The following ZNF595 variants were observed in gnomAD, a reference collection of about 807,000 sequenced individuals.
ZNF595 encodes zinc finger protein 595.
Under a neutral mutation model 19.4 loss-of-function variants are expected in ZNF595, and 9 were observed. The ratio of observed to expected loss-of-function variants is 0.46; its 90% CI spans 0.28 to 0.81. ZNF595 has a LOEUF of 0.81. ZNF595 is among the 30% of genes least tolerant of loss of function. ZNF595 has a pLI of 0.11. For synonymous variants in ZNF595, 255 were observed against 255.9 expected, an observed-to-expected ratio of 1.00 and a Z score of 0.03; for missense variants, 729 against 736.0, an observed-to-expected ratio of 0.99 and a Z score of 0.11.
chr4:78,781 C>T (rs926246734), intron 3 of ZNF595, among the ~76,000 whole-genome samples: 8 of 152,110 alleles, frequency 5.3e-5, no homozygotes, highest in South Asian at 2.1e-4. Flanking sequence ...TGCAGTGGTG[C>T]GATCTCAGCT....
chr4:71,928 C>G (rs1467681636), intron 3 of ZNF595, among the ~76,000 whole-genome samples: 4 of 151,906 alleles, frequency 2.6e-5, no homozygotes, highest in Non-Finnish European at 5.9e-5. Context: ...AAAATGTACT[C>G]CAGGCACACA....
Position 75,282 on chromosome 4 carries a change from G to A in ZNF595, c.227-10449G>A, listed in dbSNP as rs1295510535. ...TATAAAGAATAAAAGTTTGCTTAGCGCACAATCCTGGATGCCAGGAAGTCC... is the reference window on the plus strand; with the variant it reads ...TATAAAGAATAAAAGTTTGCTTAGCACACAATCCTGGATGCCAGGAAGTCC... On this transcript the variant is annotated intron_variant, in intron 3 of 3. Transcript: ENST00000610261. Among the ~76,000 whole-genome samples the A allele has an allele frequency of 3.3e-5, 5 of 152,124 alleles. No homozygotes were observed. The East Asian group carries it at 7.7e-4, about 23-fold the overall frequency.
At position 86,355 on chromosome 4, in the gene ZNF595, A is replaced by G. The variant is rs782191095; in HGVS notation, c.851A>G (p.Tyr284Cys). The change falls in exon 4 of 4, where the codon TAC becomes TGC. Residue 284 changes from tyrosine to cysteine, a missense_variant. Tyr to Cys is a radical substitution (Grantham distance 194). Coordinates refer to ENST00000610261, the MANE Select transcript of ZNF595 (RefSeq NM_182524.4). ...AAAATTCATACTGGAGAGAAACCCT[A>G]CAAATGTAAAGAATGTGGCAAAGCC... is the stretch of plus-strand genomic sequence containing the variant. ...HKKIHTGEKP[Y>C]KCKECGKAFR... 3 of 1,613,838 alleles carry G rather than the reference A, an allele frequency of 1.9e-6. No homozygotes were observed. In the South Asian group the frequency reaches 3.3e-5, roughly 18 times the overall value.
At chr4:68,632 G>T (rs1235300282) in intron 3 of ZNF595, 1 of 152,292 alleles carries the variant, frequency 6.6e-6, no homozygotes, top group Non-Finnish European at 1.5e-5. Flanking sequence ...TAATTTTTGT[G>T]AGTACGTAGT....
Position 85,923 on chromosome 4 carries a change from C to T in ZNF595, c.419C>T (p.Thr140Ile), listed in dbSNP as rs1714121355. 6.2e-7 allele frequency: 1 copy of T among 1,613,590 alleles called. No homozygotes were observed. The highest frequency in any genetic ancestry group is 1.1e-5 in the South Asian group (1 of 91,056). Residue 140 changes from threonine (T) to isoleucine (I), a missense_variant, in exon 4 of 4, where the codon ACC becomes ATC. Around this residue, in one of 2 missense-constraint regions of ZNF595, gnomAD observed 729 missense variants for 675.3 expected, o/e 1.08. Coordinates refer to ENST00000610261, the MANE Select transcript of ZNF595 (RefSeq NM_182524.4). ...NNGVYQCLSTTQSKIFQCNTC... is the reference protein window; with the variant it reads ...NNGVYQCLSTIQSKIFQCNTC... ...GGAGTTTACCAGTGCTTGTCAACTA[C>T]CCAGAGCAAAATATTTCAATGTAAT...
intron 1 of ZNF595, among the ~76,000 whole-genome samples, chr4:54,827 C>G (rs1581309255): frequency 1.3e-5 from 2 of 152,362 alleles, no homozygotes; most frequent in South Asian, 4.2e-4. Context: ...AGCCCTGCCT[C>G]GGCCTGTACC....
At chr4:69,132 C>T (rs529892755) in intron 3 of ZNF595, among the ~76,000 whole-genome samples, 1 of 152,306 alleles carries the variant, frequency 6.6e-6, no homozygotes, top group Non-Finnish European at 1.5e-5. Flanking sequence ...ATTTGTACCA[C>T]AGTTGCTTTA....
intron 1 of ZNF595, among the ~76,000 whole-genome samples, chr4:57,005 CTGG>C (rs1712640794): frequency 1.0e-5 from 1 of 95,294 alleles, no homozygotes; most frequent in African/African-American, 3.7e-5. Context: ...CACATAAAAG[CTGG>C]CTTCTGCCCA....
chr4:88,066 T>G lies in ZNF595; in HGVS notation c.*615T>G, dbSNP rs1714315862. On this transcript the variant is annotated 3_prime_UTR_variant, in exon 4 of 4. Coordinates refer to ENST00000610261, the MANE Select transcript of ZNF595 (RefSeq NM_182524.4). ...GCAATTATTTTTTTACTACAGGTTA[T>G]TTTATGATTATAATAAGTATATGAG... 1 of 152,164 alleles carries G rather than the reference T, an allele frequency of 6.6e-6. No homozygotes were observed. The highest frequency in any genetic ancestry group is 1.5e-5 in the Non-Finnish European group (1 of 68,038). 9.4% of individuals were successfully genotyped at this position (152,164 alleles called of 1,614,324 possible). A position where few individuals can be genotyped will look rare whatever the true frequency, so the allele number is the denominator to read the frequency against.
intron 3 of ZNF595, among the ~76,000 whole-genome samples, chr4:81,238 T>A (rs1174711994): frequency 6.6e-6 from 1 of 152,214 alleles, no homozygotes; most frequent in African/African-American, 2.4e-5. Context: ...ACTACAATAT[T>A]TCACTGTGTA....
intron 3 of ZNF595, among the ~76,000 whole-genome samples, chr4:76,035 T>G (rs1713646777): frequency 6.6e-6 from 1 of 152,088 alleles, no homozygotes; most frequent in Non-Finnish European, 1.5e-5. Context: ...GGATTACAAG[T>G]ACATGCCACC....
At position 86,283 on chromosome 4, in the gene ZNF595, A is replaced by C; in HGVS notation, c.779A>C (p.Glu260Ala). 1 of 1,611,894 alleles carries C rather than the reference A, an allele frequency of 6.2e-7. No individual in the cohort carries two copies. Among genetic ancestry groups the C allele is most frequent in the South Asian group, 1.1e-5 (1 of 91,012 alleles). Residue 260 changes from glutamate to alanine, a missense_variant, in exon 4 of 4, where the codon GAA becomes GCA. Around this residue, in one of 2 missense-constraint regions of ZNF595, gnomAD observed 729 missense variants for 675.3 expected, o/e 1.08. Transcript: ENST00000610261. ...GGAGAGAAACCCTACAAATGTGAAG[A>C]ATGTGGCAAAGCCTTTACAAGGTCC... ...HTGEKPYKCE[E>A]CGKAFTRSTT...
At position 69,690 on chromosome 4, in the gene ZNF595, C is replaced by T. The variant is rs142030806; in HGVS notation, c.226+9537C>T. 2.0e-5 allele frequency among the ~76,000 whole-genome samples: 3 copies of T among 152,194 alleles called. No individual in the cohort carries two copies. In the East Asian group the frequency reaches 5.8e-4, roughly 29 times the overall value. ...TGTTTTCTCTAATTTTGTGTGTTGT[C>T]TCTTCACTTTGTTGATTGTTTCATT... On this transcript the variant is annotated intron_variant, in intron 3 of 3. Coordinates refer to ENST00000610261, the MANE Select transcript of ZNF595 (RefSeq NM_182524.4).
chr4:66,493 GT>G (rs1368426441), intron 3 of ZNF595, among the ~76,000 whole-genome samples: 1 of 151,868 alleles, frequency 6.6e-6, no homozygotes, highest in Non-Finnish European at 1.5e-5. Flanking sequence ...TTGCTCATGT[GT>G]TTGATGTTAC....
intron 3 of ZNF595, among the ~76,000 whole-genome samples, chr4:79,676 T>C (rs1256800824): frequency 8.2e-5 from 8 of 97,062 alleles, no homozygotes; most frequent in Non-Finnish European, 4.3e-5. Flanking sequence ...AGCTTTGTTG[T>C]TTTTTTTTTT....
At chr4:82,078 AT>A (rs1192009148) in intron 3 of ZNF595, among the ~76,000 whole-genome samples, 1 of 152,040 alleles carries the variant, frequency 6.6e-6, no homozygotes, top group Non-Finnish European at 1.5e-5. Flanking sequence ...CCCATACTAA[AT>A]TTTTTAAGTT....
At chr4:72,514 A>G (rs953540893) in intron 3 of ZNF595, among the ~76,000 whole-genome samples, 3 of 152,206 alleles carry the variant, frequency 2.0e-5, no homozygotes, top group Middle Eastern at 3.2e-3. Flanking sequence ...GCAATAGTTG[A>G]TAAGTCTACT....
chr4:77,243 A>G (rs150092968), intron 3 of ZNF595, among the ~76,000 whole-genome samples: 280 of 150,714 alleles, frequency 1.9e-3, no homozygotes, highest in African/African-American at 6.4e-3. Context: ...TTTTTATTAT[A>G]TATTGCGTTC....
chr4:68,945 A>G (rs564509256), intron 3 of ZNF595, among the ~76,000 whole-genome samples: 3 of 152,150 alleles, frequency 2.0e-5, no homozygotes, highest in Non-Finnish European at 4.4e-5. Flanking sequence ...TCTGCTTTCT[A>G]TCTCCATGAA....
Sources: gnomAD v4.1 joint callset for allele counts (sites outside exome capture counted in the v4.1 genomes callset) on GRCh38, gnomAD v4.1.1 for gene constraint, gnomAD v4.1.1 regional missense constraint, MANE v1.5 for transcripts, NCBI Gene and HGNC (gene_info 2026-07-23, HGNC 2026-07-21) for gene names.